Variants in DLG1 observed in about 807,000 individuals in gnomAD.
DLG1 encodes the protein discs large MAGUK scaffold protein 1, also known as disks large homolog 1.
Under a neutral mutation model 123.4 loss-of-function variants are expected in DLG1, and 42 were observed. The observed-to-expected ratio is 0.34, with a 90% confidence interval of 0.27 to 0.44. DLG1 has a LOEUF of 0.44. DLG1 is among the 20% of genes least tolerant of loss of function. The pLI is 1.00. For synonymous variants in DLG1, 317 were observed against 356.2 expected (o/e 0.89, Z 1.24); for missense variants, 942 against 1,082.6 (o/e 0.87, Z 1.82).
chr3:197,148,713 A>G (rs1025262572), intron 6 of DLG1, among the ~76,000 whole-genome samples: 7 of 152,184 alleles, frequency 4.6e-5, no homozygotes, highest in East Asian at 1.9e-4. Context: ...GCAAAACCAT[A>G]AAACTCTTAG....
intron 4 of DLG1, among the ~76,000 whole-genome samples, chr3:197,199,371 C>T (rs926854650): frequency 4.6e-5 from 7 of 152,110 alleles, no homozygotes; most frequent in Admixed American, 2.0e-4. Context: ...CCACATCTGA[C>T]CTTATGTGAT....
chr3:197,135,545 G>A (rs1294583398), intron 10 of DLG1, among the ~76,000 whole-genome samples: 4 of 152,096 alleles, frequency 2.6e-5, no homozygotes, highest in East Asian at 1.9e-4. Context: ...ACCCAGTCTC[G>A]GGTAATTCTT....
intron 13 of DLG1, among the ~76,000 whole-genome samples, chr3:197,108,965 G>C (rs1768222905): frequency 6.6e-6 from 1 of 151,930 alleles, no homozygotes; most frequent in Non-Finnish European, 1.5e-5. Flanking sequence ...ATATTAAATA[G>C]ATATTTCCTA....
intron 4 of DLG1, among the ~76,000 whole-genome samples, chr3:197,275,300 C>T (rs760624011): frequency 2.8e-4 from 43 of 152,020 alleles, no homozygotes; most frequent in Non-Finnish European, 5.1e-4. Context: ...CACTCTGGTA[C>T]ACTGCTGATG....
Position 197,149,788 on chromosome 3 carries a change from A to G in DLG1, c.492T>C (p.Pro164=). The change falls in exon 6 of 25, where the codon CCT becomes CCC. Residue 164 remains proline (P), a synonymous_variant. Transcript: ENST00000667157. The part of the protein sequence containing the change: ...HSHISPIKAN[P]PPVLVNTDSL... ...TATCTGTGTTGACCAGTACTGGGGG[A>G]GGATTTGCCTTTAAGAAGAAATTGT... is the stretch of plus-strand genomic sequence containing the variant. The G allele has an allele frequency of 2.5e-6, 4 of 1,588,556 alleles. No homozygotes were observed. The South Asian group carries it at 3.4e-5, about 13-fold the overall frequency.
chr3:197,152,597 C>T (rs1419336981), intron 5 of DLG1, among the ~76,000 whole-genome samples: 1 of 151,224 alleles, frequency 6.6e-6, no homozygotes, highest in Non-Finnish European at 1.5e-5. Context: ...CCCGTCTCTA[C>T]TAAAAATACA....
intron 14 of DLG1, among the ~76,000 whole-genome samples, chr3:197,104,240 AT>A (rs1248279986): frequency 6.6e-6 from 1 of 152,094 alleles, no homozygotes; most frequent in Non-Finnish European, 1.5e-5. Flanking sequence ...GGTTTTTATT[AT>A]TTTTTCAGAT....
At chr3:197,264,585 C>G (rs1346305702) in intron 4 of DLG1, among the ~76,000 whole-genome samples, 1 of 152,110 alleles carries the variant, frequency 6.6e-6, no homozygotes, top group Non-Finnish European at 1.5e-5. Flanking sequence ...TGCCACCACG[C>G]CCAGCTAATT....
At chr3:197,251,070 TA>T (rs1362665698) in intron 4 of DLG1, among the ~76,000 whole-genome samples, 1 of 134,252 alleles carries the variant, frequency 7.4e-6, no homozygotes, top group African/African-American at 2.8e-5. Context: ...ACTGTAAAAA[TA>T]ACAATACTAA....
At chr3:197,255,020 C>A (rs1233740105) in intron 4 of DLG1, among the ~76,000 whole-genome samples, 1 of 152,002 alleles carries the variant, frequency 6.6e-6, no homozygotes, top group African/African-American at 2.4e-5. Context: ...CACGCTACTG[C>A]ATTCCAGCCT....
At chr3:197,049,888 C>T (rs1366106803) in intron 24 of DLG1, among the ~76,000 whole-genome samples, 1 of 152,136 alleles carries the variant, frequency 6.6e-6, no homozygotes, top group Non-Finnish European at 1.5e-5. Context: ...CATAGCGAGA[C>T]CCTGTCTCTA....
At chr3:197,255,937 G>GA (rs1756645088) in intron 4 of DLG1, among the ~76,000 whole-genome samples, 1 of 152,012 alleles carries the variant, frequency 6.6e-6, no homozygotes, top group Non-Finnish European at 1.5e-5. Flanking sequence ...AGTTCACACA[G>GA]AAAAAATAAT....
intron 24 of DLG1, among the ~76,000 whole-genome samples, chr3:197,050,888 A>C (rs1480443285): frequency 6.6e-6 from 1 of 152,270 alleles, no homozygotes; most frequent in African/African-American, 2.4e-5. Flanking sequence ...ATCACATTAT[A>C]TGCCTTGAAT....
At chr3:197,120,706 A>G (rs1267348435) in intron 11 of DLG1, among the ~76,000 whole-genome samples, 2 of 152,242 alleles carry the variant, frequency 1.3e-5, no homozygotes, top group Admixed American at 6.5e-5. Context: ...ACATAAAGGA[A>G]TAAAGTGAAC....
chr3:197,096,614 T>G (rs916893741), intron 14 of DLG1, among the ~76,000 whole-genome samples: 1 of 152,278 alleles, frequency 6.6e-6, no homozygotes, highest in Non-Finnish European at 1.5e-5. Context: ...TTACAAATTT[T>G]TCTTCTTTTT....
Position 197,143,174 on chromosome 3 carries a change from A to G in DLG1, c.538-406T>C, listed in dbSNP as rs369765655. Among the ~76,000 whole-genome samples, 3 of 152,322 alleles carry G rather than the reference A, an allele frequency of 2.0e-5. No homozygotes were observed. In the East Asian group the frequency reaches 5.8e-4, roughly 29 times the overall value. On this transcript the variant is annotated intron_variant, in intron 6 of 24. Coordinates refer to ENST00000667157, the MANE Select transcript of DLG1 (RefSeq NM_001366207.1). ...CTTGTTCAACCTCCTCTGGAATGGAATACTGTCAATGCAGTCTGCCTAATC... is the reference window on the plus strand; with the variant it reads ...CTTGTTCAACCTCCTCTGGAATGGAGTACTGTCAATGCAGTCTGCCTAATC...
At chr3:197,058,743 T>C (rs972804716) in intron 23 of DLG1, among the ~76,000 whole-genome samples, 2 of 152,214 alleles carry the variant, frequency 1.3e-5, no homozygotes, top group African/African-American at 4.8e-5. Context: ...ATTCCATACC[T>C]TCACTGATTT....
intron 5 of DLG1, among the ~76,000 whole-genome samples, chr3:197,166,178 T>C (rs1217177672): frequency 1.3e-5 from 2 of 152,164 alleles, no homozygotes; most frequent in Admixed American, 6.5e-5. Flanking sequence ...GCATAAGGTT[T>C]TGTGCTGTCA....
chr3:197,118,634 A>G (rs1774593530), intron 12 of DLG1, among the ~76,000 whole-genome samples: 1 of 152,240 alleles, frequency 6.6e-6, no homozygotes, highest in Admixed American at 6.5e-5. Context: ...AAAGACGTGT[A>G]CAAATTACAA....
Sources: allele counts gnomAD v4.1 joint callset (sites outside exome capture counted in the v4.1 genomes callset), GRCh38; gene constraint gnomAD v4.1.1; transcripts MANE v1.5; gene names NCBI Gene and HGNC (gene_info 2026-07-23, HGNC 2026-07-21).